SAP130: variants seen among roughly 807,000 people sequenced by gnomAD.
The protein encoded by SAP130 is Sin3A associated protein 130.
Under a neutral mutation model 103.2 loss-of-function variants are expected in SAP130, and 16 were observed. The observed-to-expected ratio is 0.16, with a 90% CI of 0.10 to 0.24. The LOEUF is 0.24. Ranked by LOEUF, SAP130 falls within the 10% of genes least tolerant of loss-of-function variation. The pLI is 1.00. For synonymous variants in SAP130, 477 were observed against 497.0 expected, an observed-to-expected ratio of 0.96 and a Z score of 0.53; for missense variants, 990 against 1,359.7, an observed-to-expected ratio of 0.73 and a Z score of 4.28.
Position 127,942,032 on chromosome 2 carries a change from TG to T in SAP130, c.3147del (p.Lys1050AsnfsTer2). 1 of 1,602,556 alleles carries T rather than the reference TG, an allele frequency of 6.2e-7. No homozygotes were observed. On this transcript the variant is annotated frameshift_variant, in exon 21 of 21. Coordinates refer to ENST00000643581, the MANE Select transcript of SAP130 (RefSeq NM_001330301.2). LOFTEE classifies it high-confidence loss of function. This position sits in a 1 kb window ranked among gnomAD's most constrained non-coding sequence, Gnocchi z 4.8. Reference protein sequence around the residue: ...LNKNGTVKKVSKLKRKEKV With the variant: ...LNKNGTVKKVXKLKRKEKV ...TAGACTTTTTCCTTTCGCTTCAATT[TG>T]GACACTTTTTTGACAGTCCCGTTCT...
At chr2:128,013,263 G>A in intron 5 of SAP130, 109 bp from the exon 6 acceptor site, 2 of 979,598 alleles carry the variant, frequency 2.0e-6, no homozygotes, top group South Asian at 1.9e-5. Context: ...GCTGAAGTAT[G>A]GTATGTATAC....
chr2:128,024,833 C>T (rs529385377), intron 2 of SAP130, among the ~76,000 whole-genome samples: 3 of 151,720 alleles, frequency 2.0e-5, no homozygotes, highest in East Asian at 3.9e-4. Flanking sequence ...GAGCTGAGAT[C>T]GCACCACTGC....
intron 14 of SAP130, among the ~76,000 whole-genome samples, chr2:127,983,979 CT>C (rs1480466334): frequency 6.6e-6 from 1 of 152,000 alleles, no homozygotes; most frequent in Non-Finnish European, 1.5e-5. Context: ...AAACTCCTTA[CT>C]TTGTAATCCC....
chr2:127,987,072 C>A, intron 13 of SAP130, 110 bp from the exon 14 acceptor site: 1 of 969,180 alleles, frequency 1.0e-6, no homozygotes, highest in Non-Finnish European at 1.5e-6. Flanking sequence ...CATGTTCTAA[C>A]TGTCCAATTT....
intron 15 of SAP130, among the ~76,000 whole-genome samples, chr2:127,964,992 C>CTAA (rs1363224658): frequency 1.3e-5 from 1 of 76,424 alleles, no homozygotes; most frequent in African/African-American, 3.7e-5. Context: ...GAATGAGACT[C>CTAA]TGTCTCAAAA....
intron 14 of SAP130, among the ~76,000 whole-genome samples, chr2:127,980,861 C>T (rs1303325962): frequency 6.6e-6 from 1 of 151,360 alleles, no homozygotes; most frequent in Admixed American, 6.6e-5. Context: ...CGCGCCACCA[C>T]AGTCCAACCT....
intron 19 of SAP130, among the ~76,000 whole-genome samples, chr2:127,944,448 G>A (rs778101410): frequency 1.0e-4 from 15 of 147,698 alleles, no homozygotes; most frequent in Non-Finnish European, 1.9e-4. Flanking sequence ...TTTTTTCCCC[G>A]AGAGGGAGTT....
chr2:127,969,066 CA>C (rs1368872698), intron 15 of SAP130, among the ~76,000 whole-genome samples: 1 of 152,086 alleles, frequency 6.6e-6, no homozygotes, highest in Non-Finnish European at 1.5e-5. Context: ...AAACAGTAAA[CA>C]AAGTGCTATT....
Position 127,942,386 on chromosome 2 carries a change from TA to T in SAP130, c.3015+37del, listed in dbSNP as rs1678771985. ...TAGGGCTTTACAGAAAGCAACTTCA[TA>T]AAGTAGATGATCAGAAGGGAAGGGG... On this transcript the variant is annotated intron_variant, in intron 20 of 20. Coordinates refer to ENST00000643581, the MANE Select transcript of SAP130 (RefSeq NM_001330301.2). This position sits in a 1 kb window ranked among gnomAD's most constrained non-coding sequence, Gnocchi z 4.8. The T allele has an allele frequency of 7.0e-7, 1 of 1,435,402 alleles. No homozygotes were observed. The highest frequency in any genetic ancestry group is 9.8e-7 in the Non-Finnish European group (1 of 1,018,290). 88.9% of individuals were successfully genotyped at this position (1,435,402 alleles called of 1,614,324 possible). A position where few individuals can be genotyped will look rare whatever the true frequency, so the allele number is the denominator to read the frequency against.
At chr2:127,994,710 ATG>A (rs1683052176) in intron 11 of SAP130, among the ~76,000 whole-genome samples, 1 of 152,188 alleles carries the variant, frequency 6.6e-6, no homozygotes, top group Admixed American at 6.6e-5. Context: ...GTGAGTTATG[ATG>A]GTGCCACTGC....
At chr2:127,977,215 C>A (rs902523579) in intron 15 of SAP130, among the ~76,000 whole-genome samples, 1 of 151,640 alleles carries the variant, frequency 6.6e-6, no homozygotes, top group Admixed American at 6.6e-5. Context: ...TAAGGCCCGG[C>A]ATGGTGGTTC....
chr2:128,002,689 C>T (rs1350202458), intron 7 of SAP130, among the ~76,000 whole-genome samples: 1 of 152,012 alleles, frequency 6.6e-6, no homozygotes, highest in African/African-American at 2.4e-5. Context: ...CTACTCTCCA[C>T]TAAAAAGAAC....
intron 7 of SAP130, among the ~76,000 whole-genome samples, chr2:128,003,261 A>G (rs1404600607): frequency 6.6e-6 from 1 of 151,872 alleles, no homozygotes; most frequent in East Asian, 2.0e-4. Context: ...AAGCCCTAGC[A>G]CTTTGGGAGC....
chr2:128,019,357 C>T (rs768777160), intron 2 of SAP130, among the ~76,000 whole-genome samples: 27 of 152,112 alleles, frequency 1.8e-4, no homozygotes, highest in Non-Finnish European at 3.1e-4. Context: ...CAGCTTCAAA[C>T]TCTTGGACTC....
intron 2 of SAP130, among the ~76,000 whole-genome samples, chr2:128,024,777 G>A (rs1685389423): frequency 6.6e-6 from 1 of 151,750 alleles, no homozygotes; most frequent in Admixed American, 6.6e-5. Context: ...CTACTCAGAG[G>A]CTGAGGCACA....
At chr2:127,958,681 A>AGG (rs1161254103) in intron 15 of SAP130, among the ~76,000 whole-genome samples, 2 of 121,536 alleles carry the variant, frequency 1.6e-5, no homozygotes, top group Non-Finnish European at 3.6e-5. Context: ...AGAGAGAGAG[A>AGG]GAGAATCTCT....
chr2:127,983,201 CAAG>C (rs1251718601), intron 14 of SAP130, among the ~76,000 whole-genome samples: 1 of 152,114 alleles, frequency 6.6e-6, no homozygotes, highest in African/African-American at 2.4e-5. Context: ...CCCTGCCCAA[CAAG>C]AAGGCCATAT....
chr2:127,972,971 T>C (rs932285598), intron 15 of SAP130, among the ~76,000 whole-genome samples: 7 of 151,998 alleles, frequency 4.6e-5, no homozygotes, highest in African/African-American at 1.7e-4. Context: ...AAACCCGAAG[T>C]GTTCATTAGC....
chr2:127,997,514 G>A (rs1683253218), intron 10 of SAP130, among the ~76,000 whole-genome samples: 1 of 152,216 alleles, frequency 6.6e-6, no homozygotes, highest in Non-Finnish European at 1.5e-5. Context: ...TCCTGTGGGA[G>A]GCAGCTGGAG....
Sources: gnomAD v4.1 joint callset for allele counts (sites outside exome capture counted in the v4.1 genomes callset) on GRCh38, gnomAD v4.1.1 for gene constraint, Gnocchi (gnomAD v3.1) non-coding constraint, MANE v1.5 for transcripts, NCBI Gene and HGNC (gene_info 2026-07-23, HGNC 2026-07-21) for gene names.